Variants in ANAPC1 observed in about 807,000 individuals in gnomAD.
The protein encoded by ANAPC1 is anaphase promoting complex subunit 1.
ANAPC1 carries 36 observed loss-of-function variants against 208.0 expected under a neutral mutation model. The ratio of observed to expected loss-of-function variants is 0.17; its 90% CI spans 0.13 to 0.23. The LOEUF is 0.23. ANAPC1 is among the 10% of genes least tolerant of loss of function. The probability of loss-of-function intolerance (pLI) is 1.00; values close to 1 mark genes in which losing one functional copy is unlikely to be tolerated. For missense variants in ANAPC1, 942 were observed against 2,011.6 expected, an observed-to-expected ratio of 0.47 and a Z score of 10.17; for synonymous variants, 378 against 695.2, an observed-to-expected ratio of 0.54 and a Z score of 7.18.
chr2:111,820,385 C>T (rs77051360), intron 26 of ANAPC1, among the ~76,000 whole-genome samples: 26,357 of 150,960 alleles, frequency 0.17, 1,715 homozygotes, highest in Middle Eastern at 0.27. Flanking sequence ...ACAGCATGGC[C>T]ATGCCTGGCT....
chr2:111,867,323 C>A (rs1426896650), intron 7 of ANAPC1, among the ~76,000 whole-genome samples: 1 of 151,928 alleles, frequency 6.6e-6, no homozygotes, highest in Non-Finnish European at 1.5e-5. Flanking sequence ...CCATTCTTAG[C>A]TCACAAGCTT....
intron 8 of ANAPC1, among the ~76,000 whole-genome samples, chr2:111,864,360 GATGATGATGATGATA>G (rs1385838517): frequency 1.7e-5 from 2 of 121,106 alleles, no homozygotes; most frequent in African/African-American, 7.0e-5. Flanking sequence ...TGATGATGAT[GATGATGATGATGATA>G]ATAAAACTAT....
At chr2:111,875,942 T>A (rs1683003062) in intron 3 of ANAPC1, among the ~76,000 whole-genome samples, 1 of 152,220 alleles carries the variant, frequency 6.6e-6, no homozygotes, top group South Asian at 2.1e-4. Flanking sequence ...TGGGCTCTCA[T>A]CACTCTGTGG....
chr2:111,856,385 G>T, intron 13 of ANAPC1: 1 of 499,408 alleles, frequency 2.0e-6, no homozygotes, highest in Non-Finnish European at 3.7e-6. Context: ...TTTCCCATCT[G>T]TGACAGGTTT....
intron 17 of ANAPC1, 116 bp downstream of exon 17, chr2:111,843,296 T>G (rs1680868902): frequency 1.0e-6 from 1 of 966,306 alleles, no homozygotes; most frequent in Non-Finnish European, 1.6e-6. Flanking sequence ...ACCTTAATAT[T>G]ATTCTATTAT....
chr2:111,847,341 G>A (rs1338025630), intron 15 of ANAPC1, 143 bp from the exon 16 acceptor site: 21 of 636,834 alleles, frequency 3.3e-5, no homozygotes, highest in Admixed American at 3.7e-5. Flanking sequence ...GAACACTTCC[G>A]AATTTCAGAA....
chr2:111,861,480 C>T (rs2104555230), intron 10 of ANAPC1, among the ~76,000 whole-genome samples: 1 of 151,808 alleles, frequency 6.6e-6, no homozygotes, highest in African/African-American at 2.4e-5. Flanking sequence ...TTGTTCTGAT[C>T]CCAGCTGCCG....
chr2:111,797,828 G>A (rs952722096), intron 34 of ANAPC1, among the ~76,000 whole-genome samples: 1 of 112,894 alleles, frequency 8.9e-6, no homozygotes, highest in South Asian at 2.6e-4. Context: ...CTAAAAATCA[G>A]GTGGGCTTAA....
intron 3 of ANAPC1, among the ~76,000 whole-genome samples, chr2:111,874,074 C>T (rs1682902022): frequency 6.6e-6 from 1 of 152,098 alleles, no homozygotes; most frequent in South Asian, 2.1e-4. Context: ...CCAGATTAAA[C>T]AACTGATCTT....
chr2:111,795,794 T>C (rs1678135319), intron 34 of ANAPC1, among the ~76,000 whole-genome samples: 1 of 152,152 alleles, frequency 6.6e-6, no homozygotes, highest in Non-Finnish European at 1.5e-5. Flanking sequence ...CAAGAAGACA[T>C]TTGATCCTTT....
At chr2:111,828,858 C>T (rs1320346588) in intron 21 of ANAPC1, among the ~76,000 whole-genome samples, 5 of 152,120 alleles carry the variant, frequency 3.3e-5, no homozygotes, top group Admixed American at 6.5e-5. Flanking sequence ...GTCTTGGGTA[C>T]GGACAGTGGT....
chr2:111,821,089 T>G (rs1354252924), intron 26 of ANAPC1, 150 bp downstream of exon 26: 1 of 609,172 alleles, frequency 1.6e-6, no homozygotes, highest in Non-Finnish European at 2.9e-6. Flanking sequence ...GGATGAAAAC[T>G]TAAAACACAG....
intron 17 of ANAPC1, among the ~76,000 whole-genome samples, chr2:111,841,240 G>A (rs1418797491): frequency 6.6e-6 from 1 of 151,938 alleles, no homozygotes; most frequent in Non-Finnish European, 1.5e-5. Flanking sequence ...AGGTCCTGGA[G>A]AGAGAGAGTA....
chr2:111,823,218 C>T (rs193092101), intron 24 of ANAPC1, among the ~76,000 whole-genome samples: 4 of 151,364 alleles, frequency 2.6e-5, no homozygotes, highest in East Asian at 3.9e-4. Context: ...AGGGTTTCAC[C>T]GTATTAGCCA....
chr2:111,825,036 C>T lies in ANAPC1; in HGVS notation c.2742G>A (p.Arg914=), dbSNP rs1229618704. 6.2e-7 allele frequency: 1 copy of T among 1,613,716 alleles called. No homozygotes were observed. The highest frequency in any genetic ancestry group is 2.2e-5 in the East Asian group (1 of 44,886). Residue 914 remains arginine, a splice_region_variant and synonymous_variant, in exon 24 of 48, where the codon AGG becomes AGA. Coordinates refer to ENST00000341068, the MANE Select transcript of ANAPC1 (RefSeq NM_022662.4). Reference sequence around the variant, plus strand: ...CAGATGTAGAATGCCTGAAACTAAACCTATAAGAGAATAAAACATAAAGTT... The same window carrying T: ...CAGATGTAGAATGCCTGAAACTAAATCTATAAGAGAATAAAACATAAAGTT... ...QKLQVEQEEN[R]FSFRHSTSVS...
chr2:111,854,485 C>T (rs1233732461), intron 13 of ANAPC1, among the ~76,000 whole-genome samples: 1 of 152,172 alleles, frequency 6.6e-6, no homozygotes, highest in Non-Finnish European at 1.5e-5. Context: ...CCTTTGAAGC[C>T]AGGCACTGAC....
At chr2:111,849,018 T>C (rs1681246096) in intron 14 of ANAPC1, among the ~76,000 whole-genome samples, 3 of 152,248 alleles carry the variant, frequency 2.0e-5, no homozygotes, top group African/African-American at 7.2e-5. Flanking sequence ...TCTTAAACTC[T>C]AGTCATGACC....
In ANAPC1 at chr2:111,768,655, G is replaced by A. The variant is rs1260700637; in HGVS notation, c.*636C>T. 6.8e-6 allele frequency: 1 copy of A among 147,716 alleles called. No individual in the cohort carries two copies. Among genetic ancestry groups the A allele is most frequent in the Non-Finnish European group, 1.5e-5 (1 of 67,270 alleles). The allele number at this position is 147,716 out of a possible 1,614,324, so 9.2% of individuals were successfully genotyped here. ...CTTATGATGACCTCACTTAACCTTA[G>A]TAATCTCCTATATGCCCTATTGCCT... is the stretch of plus-strand genomic sequence containing the variant. On this transcript the variant is annotated 3_prime_UTR_variant, in exon 48 of 48. Coordinates refer to ENST00000341068, the MANE Select transcript of ANAPC1 (RefSeq NM_022662.4).
intron 6 of ANAPC1, among the ~76,000 whole-genome samples, chr2:111,870,381 T>C (rs1446726493): frequency 6.6e-6 from 1 of 152,210 alleles, no homozygotes; most frequent in Non-Finnish European, 1.5e-5. Flanking sequence ...CAACATCTAT[T>C]GTTTTTCTGA....
Sources: gnomAD v4.1 joint callset for allele counts (sites outside exome capture counted in the v4.1 genomes callset) on GRCh38, gnomAD v4.1.1 for gene constraint, MANE v1.5 for transcripts, NCBI Gene and HGNC (gene_info 2026-07-23, HGNC 2026-07-21) for gene names.